Variants in MGAT5 observed in about 807,000 individuals in gnomAD.
The protein encoded by MGAT5 is alpha-1,6-mannosylglycoprotein 6-beta-N-acetylglucosaminyltransferase A.
MGAT5 carries 30 observed loss-of-function variants against 94.3 expected under a neutral mutation model. The observed-to-expected ratio is 0.32, with a 90% CI of 0.24 to 0.43. The LOEUF (loss-of-function observed/expected upper bound fraction) is 0.43. Ranked by LOEUF, MGAT5 falls within the 20% of genes least tolerant of loss-of-function variation. The pLI is 1.00. For synonymous variants in MGAT5, 310 were observed against 322.9 expected (o/e 0.96, Z 0.43); for missense variants, 691 against 905.5 (o/e 0.76, Z 3.04).
chr2:134,381,621 A>G (rs181056690), intron 10 of MGAT5, among the ~76,000 whole-genome samples: 159 of 152,114 alleles, frequency 1.0e-3, no homozygotes, highest in African/African-American at 3.6e-3. Flanking sequence ...CAGACAGACA[A>G]ACAGGAGAGA....
intron 1 of MGAT5, among the ~76,000 whole-genome samples, chr2:134,134,395 G>A (rs944476979): frequency 6.6e-6 from 1 of 152,130 alleles, no homozygotes; most frequent in African/African-American, 2.4e-5. Context: ...GCCTGGGATC[G>A]AGGCTCTAGG....
At chr2:134,275,763 A>AT (rs1044756831) in intron 2 of MGAT5, among the ~76,000 whole-genome samples, 1 of 150,810 alleles carries the variant, frequency 6.6e-6, no homozygotes, top group Non-Finnish European at 1.5e-5. Flanking sequence ...CTTTTTTCTT[A>AT]TTTTTTGTAG....
chr2:134,302,201 G>A (rs1015104036), intron 2 of MGAT5, among the ~76,000 whole-genome samples: 1 of 152,128 alleles, frequency 6.6e-6, no homozygotes, highest in African/African-American at 2.4e-5. Flanking sequence ...ACAAAAACAG[G>A]CAGTGGGCCA....
intron 1 of MGAT5, among the ~76,000 whole-genome samples, chr2:134,241,958 G>A (rs912327390): frequency 4.6e-5 from 7 of 152,098 alleles, no homozygotes; most frequent in South Asian, 2.1e-4. Context: ...GGAAAATATC[G>A]GAATTAGAAT....
At chr2:134,442,022 T>TG (rs1221432364) in intron 15 of MGAT5, 107 bp downstream of exon 15, 1 of 1,305,024 alleles carries the variant, frequency 7.7e-7, no homozygotes, top group African/African-American at 1.5e-5. Flanking sequence ...TACTGGGCTG[T>TG]GGGGATAAGG....
intron 14 of MGAT5, among the ~76,000 whole-genome samples, chr2:134,430,809 G>A (rs1684837502): frequency 6.6e-6 from 1 of 152,094 alleles, no homozygotes; most frequent in Non-Finnish European, 1.5e-5. Flanking sequence ...GTGGTCAGTT[G>A]GGGAGGACAA....
intron 1 of MGAT5, among the ~76,000 whole-genome samples, chr2:134,189,311 A>ATC: frequency 6.6e-6 from 1 of 152,144 alleles, no homozygotes; most frequent in East Asian, 1.9e-4. Flanking sequence ...CTCAGGTGTG[A>ATC]TCCAAGGGGT....
chr2:134,233,710 A>T (rs1681486477), intron 1 of MGAT5, among the ~76,000 whole-genome samples: 1 of 152,232 alleles, frequency 6.6e-6, no homozygotes, highest in African/African-American at 2.4e-5. Flanking sequence ...AGGATCGGTC[A>T]CTAGACTAGG....
intron 12 of MGAT5, among the ~76,000 whole-genome samples, chr2:134,418,686 A>T (rs1228690664): frequency 6.6e-6 from 1 of 152,228 alleles, no homozygotes; most frequent in East Asian, 1.9e-4. Context: ...TGGGTGGAGG[A>T]TGTGCAGGGT....
intron 14 of MGAT5, among the ~76,000 whole-genome samples, chr2:134,430,891 A>G (rs1684842237): frequency 6.6e-6 from 1 of 152,240 alleles, no homozygotes; most frequent in Non-Finnish European, 1.5e-5. Flanking sequence ...GTCCACAGGC[A>G]GTAAGTGCCA....
intron 1 of MGAT5, among the ~76,000 whole-genome samples, chr2:134,124,143 T>C (rs569022154): frequency 1.6e-4 from 24 of 152,282 alleles, no homozygotes; most frequent in African/African-American, 5.5e-4. Context: ...TCCTAAATTA[T>C]CTCACTTTTA....
intron 1 of MGAT5, among the ~76,000 whole-genome samples, chr2:134,224,237 G>A (rs987346221): frequency 6.6e-6 from 1 of 152,136 alleles, no homozygotes; most frequent in Non-Finnish European, 1.5e-5. Flanking sequence ...ATTAGCAGGC[G>A]TTTCATGATC....
intron 1 of MGAT5, among the ~76,000 whole-genome samples, chr2:134,148,759 G>GTTTTTTTTT (rs748584511): frequency 4.2e-5 from 5 of 118,724 alleles, no homozygotes; most frequent in African/African-American, 6.7e-5. Flanking sequence ...TCTTTCTTAG[G>GTTTTTTTTT]TTTTTTTTTT....
chr2:134,443,340 C>A (rs762248783), intron 15 of MGAT5, among the ~76,000 whole-genome samples: 1 of 152,246 alleles, frequency 6.6e-6, no homozygotes, highest in Non-Finnish European at 1.5e-5. Context: ...TATAACTGCA[C>A]GCCACCATGC....
chr2:134,371,921 T>C (rs1680828543), intron 10 of MGAT5, among the ~76,000 whole-genome samples: 1 of 149,160 alleles, frequency 6.7e-6, no homozygotes, highest in Non-Finnish European at 1.5e-5. Context: ...AACCTAGGTC[T>C]GTGTTTGTTG....
At chr2:134,344,830 T>C in intron 7 of MGAT5, 100 bp from the exon 8 acceptor site, 1 of 1,422,084 alleles carries the variant, frequency 7.0e-7, no homozygotes. Flanking sequence ...CTAAAAAGGA[T>C]TTTTGGGGTG....
At chr2:134,430,445 C>T (rs1684818522) in intron 14 of MGAT5, among the ~76,000 whole-genome samples, 1 of 152,184 alleles carries the variant, frequency 6.6e-6, no homozygotes, top group Non-Finnish European at 1.5e-5. Context: ...CTCCACCTGG[C>T]TTCACCTCTA....
At chr2:134,332,823 C>CAAA (rs1213697505) in intron 4 of MGAT5, among the ~76,000 whole-genome samples, 1 of 152,134 alleles carries the variant, frequency 6.6e-6, no homozygotes, top group Non-Finnish European at 1.5e-5. Context: ...AGCCAAAAAA[C>CAAA]ACATGAAAAA....
At chr2:134,264,944 C>T (rs546245590) in intron 1 of MGAT5, among the ~76,000 whole-genome samples, 7 of 152,314 alleles carry the variant, frequency 4.6e-5, no homozygotes, top group South Asian at 2.1e-4. Flanking sequence ...TTGCTCATTG[C>T]GTAGTTGGTT....
Sources: allele counts gnomAD v4.1 joint callset (sites outside exome capture counted in the v4.1 genomes callset), GRCh38; gene constraint gnomAD v4.1.1; transcripts MANE v1.5; gene names NCBI Gene and HGNC (gene_info 2026-07-23, HGNC 2026-07-21).